The following NPLOC4 variants were observed in gnomAD, a reference collection of about 807,000 sequenced individuals.
The protein encoded by NPLOC4 is NPL4 homolog, ubiquitin recognition factor, also known as nuclear protein localization protein 4 homolog.
A neutral mutation model predicts 80.6 loss-of-function variants in NPLOC4; 18 were observed. The ratio of observed to expected loss-of-function variants is 0.22; its 90% CI spans 0.15 to 0.33. NPLOC4 has a LOEUF of 0.33. NPLOC4 is among the 10% of genes least tolerant of loss of function. The pLI is 1.00. For synonymous variants in NPLOC4, 313 were observed against 301.5 expected, an observed-to-expected ratio of 1.04 and a Z score of -0.39; for missense variants, 540 against 786.1, an observed-to-expected ratio of 0.69 and a Z score of 3.74.
intron 16 of NPLOC4, among the ~76,000 whole-genome samples, 154 bp from the exon 17 acceptor site, chr17:81,559,570 G>A (rs80158493): frequency 1.3e-5 from 2 of 152,276 alleles, no homozygotes; most frequent in Non-Finnish European, 2.9e-5. Flanking sequence ...CCCACCACAG[G>A]CACACTTTGA....
At chr17:81,596,063 AAAATAT>A in intron 11 of NPLOC4, 47 bp downstream of exon 11, 1 of 1,558,118 alleles carries the variant, frequency 6.4e-7, no homozygotes, top group Non-Finnish European at 8.8e-7. Flanking sequence ...AAAGAGGAAC[AAAATAT>A]ATTAACGAGG....
At chr17:81,608,488 A>C (rs1018685877) in intron 6 of NPLOC4, among the ~76,000 whole-genome samples, 10 of 152,180 alleles carry the variant, frequency 6.6e-5, no homozygotes, top group African/African-American at 2.2e-4. Context: ...AGGCAGGAGG[A>C]TCACTTGAGC....
chr17:81,594,558 G>A (rs1035404973), intron 11 of NPLOC4, among the ~76,000 whole-genome samples: 12 of 151,938 alleles, frequency 7.9e-5, no homozygotes, highest in African/African-American at 1.9e-4. Context: ...GGCGGATCAC[G>A]AGGTCAGGAG....
intron 4 of NPLOC4, 114 bp downstream of exon 4, chr17:81,613,203 AC>A: frequency 1.2e-6 from 1 of 865,322 alleles, no homozygotes; most frequent in Non-Finnish European, 1.6e-6. Context: ...AAAACTTAAG[AC>A]TTAACATTTC....
chr17:81,595,249 C>G (rs530627446), intron 11 of NPLOC4, among the ~76,000 whole-genome samples: 47 of 151,514 alleles, frequency 3.1e-4, no homozygotes, highest in African/African-American at 1.1e-3. Context: ...GCCTGGCCAA[C>G]AAGGCAAAAC....
At chr17:81,608,528 T>C (rs538899467) in intron 6 of NPLOC4, among the ~76,000 whole-genome samples, 200 bp downstream of exon 6, 10 of 152,238 alleles carry the variant, frequency 6.6e-5, no homozygotes, top group Admixed American at 2.0e-4. Context: ...CTGGGCAACA[T>C]AGTGAGACCC....
chr17:81,582,926 G>A (rs554099064), intron 12 of NPLOC4, among the ~76,000 whole-genome samples: 1 of 152,240 alleles, frequency 6.6e-6, no homozygotes, highest in Non-Finnish European at 1.5e-5. Flanking sequence ...CCGATTCGAA[G>A]AAACACACAA....
At chr17:81,618,951 A>G (rs969785538) in intron 3 of NPLOC4, among the ~76,000 whole-genome samples, 5 of 152,096 alleles carry the variant, frequency 3.3e-5, no homozygotes, top group Admixed American at 1.3e-4. Context: ...ACTCAGGGTT[A>G]AATGGATTAA....
intron 1 of NPLOC4, among the ~76,000 whole-genome samples, chr17:81,634,771 G>A (rs899345488): frequency 6.6e-6 from 1 of 151,854 alleles, no homozygotes; most frequent in African/African-American, 2.4e-5. Context: ...TTTTAGTAGA[G>A]ACAGGGTTTC....
intron 16 of NPLOC4, chr17:81,563,393 G>GAA (rs113116451): frequency 4.2e-4 from 60 of 142,782 alleles, no homozygotes; most frequent in Non-Finnish European, 6.4e-4. Flanking sequence ...ATCTCTTAAA[G>GAA]AAAAAAAAAA....
rs771285286 is a variant in NPLOC4, at chr17:81,596,231, G to A, written c.1005C>T (p.Phe335=). ...CAGTGATGCACTCTTCTGAACTTAG[G>A]AAATAGGTGTCCTAAGACAAGAGAA... ...VRYSRNKDTY[F]LSSEECITAG... The change falls in exon 11 of 17, where the codon TTC becomes TTT. Residue 335 remains phenylalanine, a synonymous_variant. Coordinates refer to ENST00000331134, the MANE Select transcript of NPLOC4 (RefSeq NM_017921.4). 18 of 1,612,554 alleles carry A rather than the reference G, an allele frequency of 1.1e-5. No homozygotes were observed. Among genetic ancestry groups the A allele is most frequent in the Non-Finnish European group, 1.5e-5 (18 of 1,179,042 alleles).
chr17:81,622,018 A>T, intron 3 of NPLOC4, 148 bp downstream of exon 3: 1 of 625,520 alleles, frequency 1.6e-6, no homozygotes, highest in South Asian at 1.9e-5. Flanking sequence ...AATTCCTGGC[A>T]AGCAACACGG....
chr17:81,616,973 A>C (rs1263261806), intron 3 of NPLOC4, among the ~76,000 whole-genome samples: 2 of 152,220 alleles, frequency 1.3e-5, no homozygotes, highest in Non-Finnish European at 2.9e-5. Flanking sequence ...GGCTCTTCCC[A>C]AATCTCCCTC....
chr17:81,620,823 T>C lies in NPLOC4; in HGVS notation c.209+1343A>G, dbSNP rs1033704593. ...AGTCATTCTCTTTACCTTTAGATAA[T>C]GGTTACGTGTTCCAGATTTAAACTT... On this transcript the variant is annotated intron_variant, in intron 3 of 16. Coordinates refer to ENST00000331134, the MANE Select transcript of NPLOC4 (RefSeq NM_017921.4). Among the ~76,000 whole-genome samples, 10 of 152,154 alleles carry C rather than the reference T, an allele frequency of 6.6e-5. No homozygotes were observed. In the East Asian group the frequency reaches 1.5e-3, roughly 23 times the overall value.
rs2033703492 is a variant in NPLOC4 at position 81,558,086 on chromosome 17, G to C, written c.*1173C>G. 1 of 152,412 alleles carries C rather than the reference G, an allele frequency of 6.6e-6. No homozygotes were observed. Among genetic ancestry groups the C allele is most frequent in the Non-Finnish European group, 1.5e-5 (1 of 68,190 alleles). The allele number at this position is 152,412 out of a possible 1,614,324, so 9.4% of individuals were successfully genotyped here. On this transcript the variant is annotated 3_prime_UTR_variant, in exon 17 of 17. Transcript: ENST00000331134. ...GAGATGCCCACCACTCCCCGGGTAAGAGCCATGCCCCGGCCTGGCCACGCC... is the reference window on the plus strand; with the variant it reads ...GAGATGCCCACCACTCCCCGGGTAACAGCCATGCCCCGGCCTGGCCACGCC...
chr17:81,581,527 G>A (rs1264109845), intron 12 of NPLOC4, among the ~76,000 whole-genome samples: 1 of 152,150 alleles, frequency 6.6e-6, no homozygotes, highest in Admixed American at 6.5e-5. Context: ...CCAGACCCTT[G>A]GCATAGGTGC....
intron 6 of NPLOC4, among the ~76,000 whole-genome samples, chr17:81,608,450 C>T (rs1029510753): frequency 1.3e-5 from 2 of 152,192 alleles, no homozygotes; most frequent in Admixed American, 6.5e-5. Context: ...GTGGCTCACA[C>T]CTGTAATCCA....
chr17:81,600,563 A>G (rs2035035737), intron 8 of NPLOC4, 136 bp from the exon 9 acceptor site: 1 of 663,594 alleles, frequency 1.5e-6, no homozygotes, highest in South Asian at 1.7e-5. Flanking sequence ...CTATAGCCAC[A>G]GATAAAACAC....
chr17:81,626,523 A>C (rs1055373781), intron 2 of NPLOC4, among the ~76,000 whole-genome samples: 1 of 152,180 alleles, frequency 6.6e-6, no homozygotes, highest in African/African-American at 2.4e-5. Flanking sequence ...AAGACCAAGA[A>C]GACGGTGGAA....
Sources: allele counts gnomAD v4.1 joint callset (sites outside exome capture counted in the v4.1 genomes callset), GRCh38; gene constraint gnomAD v4.1.1; transcripts MANE v1.5; gene names NCBI Gene and HGNC (gene_info 2026-07-23, HGNC 2026-07-21).